The following CHODL variants were observed in gnomAD, a reference collection of about 807,000 sequenced individuals.
CHODL encodes the protein chondrolectin.
CHODL carries 29 observed loss-of-function variants against 34.5 expected under a neutral mutation model. That is an observed-to-expected ratio of 0.84 (90% CI 0.63 to 1.15). The LOEUF (loss-of-function observed/expected upper bound fraction) is 1.15, where lower values mean the gene tolerates loss of function less well. CHODL is among the 50% of genes most tolerant of loss of function. CHODL has a pLI of 0.00. For missense variants in CHODL, 332 were observed against 332.5 expected (o/e 1.00, Z 0.01); for synonymous variants, 125 against 116.1 (o/e 1.08, Z -0.49).
chr21:18,262,866 C>A lies in CHODL; in HGVS notation c.710C>A (p.Thr237Asn), dbSNP rs1358376061. 15 of 1,606,592 alleles carry A rather than the reference C, an allele frequency of 9.3e-6. No individual in the cohort carries two copies. The highest frequency in any genetic ancestry group is 1.3e-5 in the Non-Finnish European group (15 of 1,173,844). ...LLLLILVAFG[T>N]CCFQMLHKSK... ...TTACTGATACTGGTTGCTTTTGGAA[C>A]CTGTTGTTTCCAGATGCTGCATAAA... Residue 237 changes from threonine (T) to asparagine (N), a missense_variant, in exon 5 of 6, where the codon ACC becomes AAC. Transcript: ENST00000299295.
intron 1 of CHODL, among the ~76,000 whole-genome samples, chr21:18,013,121 A>G (rs2064034765): frequency 6.6e-6 from 1 of 152,146 alleles, no homozygotes; most frequent in African/African-American, 2.4e-5. Flanking sequence ...AATTTTTCCA[A>G]TTACTTGCCC....
At chr21:18,087,083 G>A (rs1217889910) in intron 2 of CHODL, among the ~76,000 whole-genome samples, 2 of 152,174 alleles carry the variant, frequency 1.3e-5, no homozygotes, top group African/African-American at 2.4e-5. Context: ...TGAGAGCTTG[G>A]TCTTCCCTGT....
intron 1 of CHODL, among the ~76,000 whole-genome samples, chr21:17,977,210 C>T (rs1031224219): frequency 2.6e-5 from 4 of 152,098 alleles, no homozygotes; most frequent in African/African-American, 7.2e-5. Flanking sequence ...AGGAATTTCT[C>T]ATGTTGTTTG....
chr21:18,258,951 A>G (rs1196000245), intron 3 of CHODL, among the ~76,000 whole-genome samples: 1 of 152,146 alleles, frequency 6.6e-6, no homozygotes, highest in Non-Finnish European at 1.5e-5. Flanking sequence ...TAGAGTGACT[A>G]AGTTCTCTAG....
chr21:18,170,834 TTAAC>T (rs539328675), intron 2 of CHODL, among the ~76,000 whole-genome samples: 30 of 152,294 alleles, frequency 2.0e-4, no homozygotes, highest in African/African-American at 7.0e-4. Context: ...TATATTGTCT[TTAAC>T]TGAGACAGTT....
intron 1 of CHODL, among the ~76,000 whole-genome samples, chr21:17,923,524 C>T (rs987678503): frequency 1.3e-4 from 19 of 148,538 alleles, no homozygotes; most frequent in African/African-American, 2.0e-4. Context: ...TGTGGGGTCA[C>T]AATCTCGGCT....
At chr21:18,074,037 A>G (rs992625219) in intron 2 of CHODL, among the ~76,000 whole-genome samples, 4 of 152,120 alleles carry the variant, frequency 2.6e-5, no homozygotes, top group Non-Finnish European at 5.9e-5. Context: ...TGAAATGTCG[A>G]AAGAATACTT....
At chr21:18,151,649 G>A (rs781715193) in intron 2 of CHODL, among the ~76,000 whole-genome samples, 74 of 152,190 alleles carry the variant, frequency 4.9e-4, no homozygotes, top group Non-Finnish European at 6.6e-4. Context: ...ATCGGCAGAC[G>A]GGGAATAGTC....
chr21:18,138,637 G>A (rs17002387), intron 2 of CHODL, among the ~76,000 whole-genome samples: 4,734 of 152,230 alleles, frequency 0.031, 243 homozygotes, highest in African/African-American at 0.11. Context: ...TTCACGGATT[G>A]TAAAGTGAGA....
At chr21:17,986,073 T>C (rs1433025363) in intron 1 of CHODL, among the ~76,000 whole-genome samples, 1 of 152,166 alleles carries the variant, frequency 6.6e-6, no homozygotes, top group Non-Finnish European at 1.5e-5. Flanking sequence ...ACATAGGAAT[T>C]TTGGAAGGGC....
chr21:18,044,717 T>C (rs2064420581), intron 2 of CHODL, among the ~76,000 whole-genome samples: 1 of 151,966 alleles, frequency 6.6e-6, no homozygotes, highest in Non-Finnish European at 1.5e-5. Context: ...CAATAATAAT[T>C]CAGTCATGCC....
At chr21:18,136,144 A>G (rs186620895) in intron 2 of CHODL, among the ~76,000 whole-genome samples, 1 of 151,466 alleles carries the variant, frequency 6.6e-6, no homozygotes, top group African/African-American at 2.4e-5. Flanking sequence ...GAAAAAATGA[A>G]TTTCTACAGT....
intron 1 of CHODL, among the ~76,000 whole-genome samples, chr21:17,926,946 A>G (rs1381861655): frequency 1.3e-5 from 2 of 151,870 alleles, no homozygotes; most frequent in Admixed American, 6.6e-5. Context: ...TCTATAATCT[A>G]TCCTAGGTAG....
intron 1 of CHODL, among the ~76,000 whole-genome samples, chr21:18,021,285 C>T (rs983629446): frequency 9.9e-5 from 15 of 152,114 alleles, no homozygotes; most frequent in African/African-American, 3.6e-4. Flanking sequence ...GGAAAATAAG[C>T]GTGTGTAATT....
intron 1 of CHODL, among the ~76,000 whole-genome samples, chr21:17,981,167 T>TG (rs1375528154): frequency 1.3e-5 from 2 of 152,164 alleles, no homozygotes; most frequent in Non-Finnish European, 2.9e-5. Flanking sequence ...AGTAGTTATT[T>TG]TTTGTTATTG....
At chr21:17,959,999 G>A (rs1382911575) in intron 1 of CHODL, among the ~76,000 whole-genome samples, 1 of 152,132 alleles carries the variant, frequency 6.6e-6, no homozygotes, top group African/African-American at 2.4e-5. Context: ...CAGTGCGGGG[G>A]TGATAGAGGA....
At chr21:18,022,853 C>G (rs942486076) in intron 1 of CHODL, among the ~76,000 whole-genome samples, 2 of 152,170 alleles carry the variant, frequency 1.3e-5, no homozygotes, top group Non-Finnish European at 2.9e-5. Context: ...TCACAATAAA[C>G]AGAGACACTT....
chr21:17,952,311 C>T (rs1183256659), intron 1 of CHODL, among the ~76,000 whole-genome samples: 3 of 151,554 alleles, frequency 2.0e-5, no homozygotes, highest in South Asian at 2.1e-4. Context: ...ATGCTGACAA[C>T]CACAGGTTTA....
At chr21:18,086,041 CTTTTTTTTTT>C (rs3984977) in intron 2 of CHODL, among the ~76,000 whole-genome samples, 1 of 38,734 alleles carries the variant, frequency 2.6e-5, no homozygotes, top group Admixed American at 3.5e-4. Flanking sequence ...AGACTTTGTT[CTTTTTTTTTT>C]TTTTTTTTTT....
Sources: allele counts gnomAD v4.1 joint callset (sites outside exome capture counted in the v4.1 genomes callset), GRCh38; gene constraint gnomAD v4.1.1; transcripts MANE v1.5; gene names NCBI Gene and HGNC (gene_info 2026-07-23, HGNC 2026-07-21).